Variants in STARD13 observed in about 807,000 individuals in gnomAD.
STARD13 encodes stAR-related lipid transfer protein 13.
In STARD13, 62 loss-of-function variants were observed where a neutral mutation model predicts 106.4. The observed-to-expected ratio is 0.58, with a 90% confidence interval of 0.48 to 0.72. The LOEUF (loss-of-function observed/expected upper bound fraction) is 0.72. Ranked by LOEUF, STARD13 falls within the 30% of genes least tolerant of loss-of-function variation. STARD13 has a pLI of 0.00. For synonymous variants in STARD13, 565 were observed against 553.0 expected, an observed-to-expected ratio of 1.02 and a Z score of -0.31; for missense variants, 1,387 against 1,424.0, an observed-to-expected ratio of 0.97 and a Z score of 0.42.
intron 1 of STARD13, among the ~76,000 whole-genome samples, chr13:33,326,249 C>T (rs2077774715): frequency 6.6e-6 from 1 of 152,174 alleles, no homozygotes. Context: ...TCCTCACCCA[C>T]TCCCTATGCT....
intron 1 of STARD13, chr13:33,186,170 T>C (rs766384875): frequency 5.9e-5 from 52 of 886,672 alleles, no homozygotes; most frequent in Non-Finnish European, 8.1e-5. Flanking sequence ...CTTTCCTCAT[T>C]GTTTTCATTC....
intron 1 of STARD13, chr13:33,271,410 T>C (rs1295374041): frequency 6.6e-6 from 1 of 152,322 alleles, no homozygotes; most frequent in East Asian, 1.9e-4. Flanking sequence ...CTGAGCTCTG[T>C]GGGCCCCAGG....
chr13:33,165,353 CA>C lies in STARD13; in HGVS notation c.306del (p.Val103Ter). The part of the protein sequence containing the change: ...KNDHDFLEKD[L>X]VEPLCRRLNT... ...ATGGTTTACCTGCAAAGAGGTTCTA[CA>C]AGGTCCTTTTCAAGAAAATCATGAT... On this transcript the variant is annotated frameshift_variant, in exon 3 of 14. Coordinates refer to ENST00000336934, the MANE Select transcript of STARD13 (RefSeq NM_178006.4). LOFTEE classifies it high-confidence loss of function. The C allele has an allele frequency of 6.2e-7, 1 of 1,613,392 alleles. No individual in the cohort carries two copies. The highest frequency in any genetic ancestry group is 8.5e-7 in the Non-Finnish European group (1 of 1,179,364).
At chr13:33,407,084 G>T in the STARD13 span, among the ~76,000 whole-genome samples, 1 of 152,174 alleles carries the variant, frequency 6.6e-6, no homozygotes. Flanking sequence ...TCAGAATATG[G>T]GTTCTCAATG....
chr13:33,579,329 T>C, the STARD13 span, among the ~76,000 whole-genome samples: 2 of 152,016 alleles, frequency 1.3e-5, no homozygotes, highest in South Asian at 4.1e-4. Flanking sequence ...AATAACAAAA[T>C]AATGTCTTTT....
chr13:33,177,488 C>G (rs1486101317), intron 1 of STARD13, among the ~76,000 whole-genome samples: 1 of 152,130 alleles, frequency 6.6e-6, no homozygotes, highest in Admixed American at 6.5e-5. Flanking sequence ...TTACACAATT[C>G]TGGCATACTG....
At chr13:33,297,728 C>T (rs558424129) in intron 1 of STARD13, among the ~76,000 whole-genome samples, 6 of 152,186 alleles carry the variant, frequency 3.9e-5, no homozygotes, top group Middle Eastern at 3.4e-3. Flanking sequence ...TTAAAATATT[C>T]TATTGTATGA....
At chr13:33,598,602 C>T in the STARD13 span, among the ~76,000 whole-genome samples, 1 of 152,310 alleles carries the variant, frequency 6.6e-6, no homozygotes, top group African/African-American at 2.4e-5. Context: ...AGTAACTCTC[C>T]TCTGCCATTT....
At position 33,105,657 on chromosome 13, in the gene STARD13, T is replaced by C; in HGVS notation, c.3278A>G (p.Glu1093Gly). The C allele has an allele frequency of 1.9e-6, 3 of 1,614,248 alleles. No individual in the cohort carries two copies. Among genetic ancestry groups the C allele is most frequent in the Non-Finnish European group, 2.5e-6 (3 of 1,180,044 alleles). The change falls in exon 14 of 14, where the codon GAA becomes GGA. Residue 1093 changes from glutamate to glycine, a missense_variant. Glu to Gly is a moderately conservative substitution (Grantham distance 98). Transcript: ENST00000336934. ...SKGFGHLCAA[E>G]VARIRNSFQP... ...GAAAGAGTTTCTAATCCTGGCAACT[T>C]CTGCTGCACACAGATGTCCAAAGCC...
At chr13:33,550,507 C>G in the STARD13 span, among the ~76,000 whole-genome samples, 2 of 152,166 alleles carry the variant, frequency 1.3e-5, no homozygotes, top group African/African-American at 4.8e-5. Context: ...ACAGACCTGT[C>G]CTGGTATCAG....
the STARD13 span, among the ~76,000 whole-genome samples, chr13:33,518,441 T>C: frequency 2.0e-5 from 3 of 152,088 alleles, no homozygotes; most frequent in African/African-American, 7.2e-5. Context: ...CAAGATAACA[T>C]TCGTGCAGCT....
At chr13:33,479,975 C>T in the STARD13 span, among the ~76,000 whole-genome samples, 1 of 152,148 alleles carries the variant, frequency 6.6e-6, no homozygotes, top group Non-Finnish European at 1.5e-5. Context: ...AATTAAACCT[C>T]TTTTCTTTAT....
chr13:33,346,197 C>A (rs917225105), downstream of STARD13, among the ~76,000 whole-genome samples: 2 of 152,182 alleles, frequency 1.3e-5, no homozygotes, highest in Non-Finnish European at 2.9e-5. Context: ...ACTAGGTGAG[C>A]GAGCTTGGAA....
chr13:33,468,363 A>G, the STARD13 span, among the ~76,000 whole-genome samples: 1 of 152,156 alleles, frequency 6.6e-6, no homozygotes, highest in Non-Finnish European at 1.5e-5. Flanking sequence ...AATAGCAACT[A>G]CTATGGCTTG....
the STARD13 span, among the ~76,000 whole-genome samples, chr13:33,639,711 G>T: frequency 1.3e-5 from 2 of 152,230 alleles, no homozygotes; most frequent in African/African-American, 4.8e-5. Context: ...TTTGGCCAAA[G>T]GCAGACAACT....
intron 8 of STARD13, among the ~76,000 whole-genome samples, chr13:33,114,169 C>T (rs560807081): frequency 1.3e-5 from 2 of 152,310 alleles, no homozygotes; most frequent in South Asian, 4.1e-4. Context: ...TATTACTAAA[C>T]ATAAATACAC....
At chr13:33,208,565 C>T (rs1054085498) in intron 1 of STARD13, among the ~76,000 whole-genome samples, 1 of 152,052 alleles carries the variant, frequency 6.6e-6, no homozygotes, top group African/African-American at 2.4e-5. Context: ...ATTATGAACC[C>T]TTGGGGGTTT....
the STARD13 span, among the ~76,000 whole-genome samples, chr13:33,610,214 C>A: frequency 3.3e-5 from 5 of 151,908 alleles, no homozygotes; most frequent in African/African-American, 1.2e-4. Flanking sequence ...TAAGAAAAAT[C>A]ACGTGGGAAC....
intron 1 of STARD13, among the ~76,000 whole-genome samples, chr13:33,216,038 G>A (rs979872238): frequency 6.6e-6 from 1 of 152,036 alleles, no homozygotes; most frequent in Non-Finnish European, 1.5e-5. Context: ...TGCAAGAATG[G>A]CCATAATAAA....
Sources: gnomAD v4.1 joint callset for allele counts (sites outside exome capture counted in the v4.1 genomes callset) on GRCh38, gnomAD v4.1.1 for gene constraint, MANE v1.5 for transcripts, NCBI Gene and HGNC (gene_info 2026-07-23, HGNC 2026-07-21) for gene names.